The following PPFIBP1 variants were observed in gnomAD, a reference collection of about 807,000 sequenced individuals.
The protein encoded by PPFIBP1 is PPFIB scaffold protein 1.
PPFIBP1 carries 112 observed loss-of-function variants against 137.8 expected under a neutral mutation model. The observed-to-expected ratio is 0.81, with a 90% CI of 0.70 to 0.95. The LOEUF is 0.95. PPFIBP1 is among the 40% of genes least tolerant of loss of function. PPFIBP1 has a pLI of 0.00. For missense variants in PPFIBP1, 1,083 were observed against 1,196.6 expected (o/e 0.91, Z 1.40); for synonymous variants, 378 against 417.3 (o/e 0.91, Z 1.15).
intron 11 of PPFIBP1, among the ~76,000 whole-genome samples, chr12:27,661,617 A>G (rs2059558321): frequency 6.6e-6 from 1 of 152,364 alleles, no homozygotes; most frequent in South Asian, 2.1e-4. Context: ...AGCTGTGTTC[A>G]GCTGATGTCA....
At chr12:27,627,617 A>G (rs1469047323) in intron 2 of PPFIBP1, among the ~76,000 whole-genome samples, 3 of 152,142 alleles carry the variant, frequency 2.0e-5, no homozygotes, top group African/African-American at 7.2e-5. Flanking sequence ...TCTTTTCTTC[A>G]CAGGAAGACT....
chr12:27,568,551 A>G (rs2049880132), intron 1 of PPFIBP1, among the ~76,000 whole-genome samples: 1 of 152,220 alleles, frequency 6.6e-6, no homozygotes, highest in Non-Finnish European at 1.5e-5. Flanking sequence ...GGAAGCAGAT[A>G]TGATGCCAGG....
rs564863669 is a variant in PPFIBP1 at position 27,650,062 on chromosome 12, A to C, written c.524A>C (p.Glu175Ala). ...ACTCAGAAGTTGGATCTGATGGCTGAAATATCTAACTTGAAGTTGAAACTG... is the reference window on the plus strand; with the variant it reads ...ACTCAGAAGTTGGATCTGATGGCTGCAATATCTAACTTGAAGTTGAAACTG... ...LETQKLDLMA[E>A]ISNLKLKLTA... is the part of the protein sequence containing the mutation. Residue 175 changes from glutamate (E) to alanine (A), a missense_variant, in exon 7 of 30, where the codon GAA (glutamate) becomes GCA (alanine). Coordinates refer to ENST00000228425, the MANE Select transcript of PPFIBP1 (RefSeq NM_003622.4). 5 of 1,604,320 alleles carry C rather than the reference A, an allele frequency of 3.1e-6. No individual in the cohort carries two copies. The South Asian group carries it at 5.5e-5, about 18-fold the overall frequency.
intron 2 of PPFIBP1, among the ~76,000 whole-genome samples, chr12:27,586,434 C>T (rs1418053422): frequency 6.6e-6 from 1 of 152,212 alleles, no homozygotes; most frequent in Non-Finnish European, 1.5e-5. Context: ...CATGGCAGCT[C>T]AGGCTTGTAA....
intron 1 of PPFIBP1, among the ~76,000 whole-genome samples, chr12:27,534,992 C>T (rs1944826628): frequency 6.6e-6 from 1 of 152,140 alleles, no homozygotes; most frequent in South Asian, 2.1e-4. Context: ...CCCCATCAGT[C>T]CATTGGTGGG....
At chr12:27,638,653 A>G (rs1285834014) in intron 4 of PPFIBP1, among the ~76,000 whole-genome samples, 2 of 152,156 alleles carry the variant, frequency 1.3e-5, no homozygotes, top group Non-Finnish European at 2.9e-5. Context: ...GTAGAGGGAA[A>G]ATGTTTAAGA....
chr12:27,642,235 C>T (rs1348422045), intron 4 of PPFIBP1, among the ~76,000 whole-genome samples: 1 of 152,222 alleles, frequency 6.6e-6, no homozygotes, highest in Non-Finnish European at 1.5e-5. Flanking sequence ...ATATCTCCCC[C>T]ACTGACTCTG....
At chr12:27,688,086 T>TAAA (rs58069791) in intron 25 of PPFIBP1, 19 of 465,012 alleles carry the variant, frequency 4.1e-5, no homozygotes, top group African/African-American at 2.5e-4. Context: ...GACCCTGTCT[T>TAAA]AAAAAAAAAA....
intron 2 of PPFIBP1, among the ~76,000 whole-genome samples, chr12:27,588,831 G>A (rs1457022754): frequency 2.0e-5 from 3 of 152,156 alleles, no homozygotes; most frequent in Non-Finnish European, 2.9e-5. Flanking sequence ...GAAATCAAAT[G>A]GGCATTAAAG....
intron 27 of PPFIBP1, among the ~76,000 whole-genome samples, chr12:27,690,575 T>G (rs2061472222): frequency 6.6e-6 from 1 of 152,216 alleles, no homozygotes; most frequent in Non-Finnish European, 1.5e-5. Flanking sequence ...AGCATGCTAC[T>G]GCACTCCAGC....
intron 4 of PPFIBP1, among the ~76,000 whole-genome samples, chr12:27,641,520 T>C (rs944728851): frequency 2.0e-5 from 3 of 152,236 alleles, no homozygotes; most frequent in African/African-American, 7.2e-5. Context: ...TCACGTGCAT[T>C]TCTCTACTTT....
intron 1 of PPFIBP1, among the ~76,000 whole-genome samples, chr12:27,536,505 C>T (rs939736882): frequency 1.3e-5 from 2 of 152,082 alleles, no homozygotes; most frequent in Non-Finnish European, 2.9e-5. Flanking sequence ...AGGCCCCAGA[C>T]TCTTAAACAA....
intron 22 of PPFIBP1, 84 bp downstream of exon 22, chr12:27,681,780 G>A (rs1337313224): frequency 1.4e-6 from 2 of 1,458,718 alleles, no homozygotes; most frequent in Non-Finnish European, 1.9e-6. Flanking sequence ...GTCCAGAAAG[G>A]GCCATGAGTG....
intron 1 of PPFIBP1, among the ~76,000 whole-genome samples, chr12:27,539,783 TA>T (rs1041037109): frequency 8.5e-5 from 13 of 152,050 alleles, no homozygotes; most frequent in South Asian, 2.1e-4. Context: ...AAGACACAGT[TA>T]AAAAAAAGGC....
rs750168275 is a variant in PPFIBP1 at position 27,633,350 on chromosome 12, AT to A, written c.-35-4del. On this transcript the variant is annotated splice_polypyrimidine_tract_variant and intron_variant, in intron 2 of 29. Coordinates refer to ENST00000228425, the MANE Select transcript of PPFIBP1 (RefSeq NM_003622.4). ...ATTTAATGGATGTAATGATAACCTT[AT>A]TTTTTTTCAGATCTGGGTTGGAATT... 9.6e-6 allele frequency: 15 copies of A among 1,567,452 alleles called. No individual in the cohort carries two copies. The highest frequency in any genetic ancestry group is 5.0e-5 in the Admixed American group (3 of 59,454).
rs201446717 is a variant in PPFIBP1 at position 27,647,858 on chromosome 12, A to G, written c.471+16A>G. On this transcript the variant is annotated intron_variant, in intron 6 of 29. Transcript: ENST00000228425. ...GCTGCAGCAGGTATGTGCAGAGGCCAGAACCAAGATGGGATTTCCCTGCTG... is the reference window on the plus strand; with the variant it reads ...GCTGCAGCAGGTATGTGCAGAGGCCGGAACCAAGATGGGATTTCCCTGCTG... 6.2e-7 allele frequency: 1 copy of G among 1,603,120 alleles called. No individual in the cohort carries two copies. The highest frequency in any genetic ancestry group is 2.3e-5 in the East Asian group (1 of 44,302).
At chr12:27,578,374 G>T (rs2050743435) in intron 2 of PPFIBP1, 135 bp downstream of exon 2, 1 of 152,140 alleles carries the variant, frequency 6.6e-6, no homozygotes, top group African/African-American at 2.4e-5. Flanking sequence ...GTCTAGGAGT[G>T]TTTGTATCTG....
intron 2 of PPFIBP1, among the ~76,000 whole-genome samples, chr12:27,607,070 A>G (rs1477948157): frequency 6.6e-6 from 1 of 152,246 alleles, no homozygotes; most frequent in African/African-American, 2.4e-5. Flanking sequence ...TTCTTATGCC[A>G]GCAGACTCCA....
Position 27,672,409 on chromosome 12 carries a change from T to C in PPFIBP1, c.1263-18T>C, listed in dbSNP as rs1338961673. ...TATTCGTGAAGTTAATAAATACCTTTTGTTCTTTACATTTTAGTGATGGAA... is the reference window on the plus strand; with the variant it reads ...TATTCGTGAAGTTAATAAATACCTTCTGTTCTTTACATTTTAGTGATGGAA... On this transcript the variant is annotated intron_variant, in intron 14 of 29. Coordinates refer to ENST00000228425, the MANE Select transcript of PPFIBP1 (RefSeq NM_003622.4). The C allele has an allele frequency of 6.9e-6, 11 of 1,593,144 alleles. No individual in the cohort carries two copies. The highest frequency in any genetic ancestry group is 9.5e-6 in the Non-Finnish European group (11 of 1,162,354).
Sources: allele counts gnomAD v4.1 joint callset (sites outside exome capture counted in the v4.1 genomes callset), GRCh38; gene constraint gnomAD v4.1.1; transcripts MANE v1.5; gene names NCBI Gene and HGNC (gene_info 2026-07-23, HGNC 2026-07-21).